The following C2CD2 variants were observed in gnomAD, a reference collection of about 807,000 sequenced individuals.
C2CD2 encodes C2 calcium dependent domain containing 2, also known as C2 domain-containing protein 2.
In C2CD2, 43 loss-of-function variants were observed where a neutral mutation model predicts 74.3. The observed-to-expected ratio is 0.58, with a 90% CI of 0.45 to 0.75. C2CD2 has a LOEUF of 0.75. Ranked by LOEUF, C2CD2 falls within the 30% of genes least tolerant of loss-of-function variation. The pLI, the probability that C2CD2 is intolerant of heterozygous loss-of-function variation, is 0.00. For synonymous variants in C2CD2, 422 were observed against 390.7 expected (o/e 1.08, Z -0.94); for missense variants, 801 against 916.3 (o/e 0.87, Z 1.63).
intron 13 of C2CD2, among the ~76,000 whole-genome samples, chr21:41,891,811 C>G (rs1421763279): frequency 6.6e-6 from 1 of 152,016 alleles, no homozygotes; most frequent in African/African-American, 2.4e-5. Context: ...CAACCCACCC[C>G]CTGGGGTCAA....
chr21:41,908,243 T>TTGTGTGTG lies in C2CD2; in HGVS notation c.1019-467_1019-460dup, dbSNP rs10528071. ...AAGATGCATACAATTTACCCTCAAG[T>TTGTGTGTG]TGTGTGTGTGTGTGTGTGTAAAAGA... On this transcript the variant is annotated intron_variant, in intron 8 of 13. Coordinates refer to ENST00000380486, the MANE Select transcript of C2CD2 (RefSeq NM_015500.2). The TTGTGTGTG allele has an allele frequency of 1.4e-4, 24 of 168,836 alleles. 1 individual carries two copies. The highest frequency in any genetic ancestry group is 3.0e-4 in the South Asian group (2 of 6,624). The allele number at this position is 168,836 out of a possible 1,614,324, so 10.5% of individuals were successfully genotyped here.
intron 13 of C2CD2, among the ~76,000 whole-genome samples, chr21:41,893,864 G>A (rs2064788967): frequency 1.3e-5 from 2 of 151,926 alleles, no homozygotes; most frequent in Admixed American, 1.3e-4. Context: ...ACCATGCCTC[G>A]ATAATTTTGT....
chr21:41,953,317 GACCGCCCGCCCCGGCATCT>G, intron 1 of C2CD2, 34 bp downstream of exon 1: 1 of 1,278,056 alleles, frequency 7.8e-7, no homozygotes, highest in Non-Finnish European at 1.0e-6. Flanking sequence ...CCTCGGCCCG[GACCGCCCGCCCCGGCATCT>G]GCCGCCCCCC....
At position 41,947,112 on chromosome 21, in the gene C2CD2, T is replaced by TTCTCTCTCTCTCTCTCTCTCTCTCTCTC. The variant is rs147753254; in HGVS notation, c.280-4895_280-4868dup. Among the ~76,000 whole-genome samples the TTCTCTCTCTCTCTCTCTCTCTCTCTCTC allele has an allele frequency of 2.1e-3, 56 of 26,190 alleles. 10 individuals are homozygous for TTCTCTCTCTCTCTCTCTCTCTCTCTCTC. Among genetic ancestry groups the TTCTCTCTCTCTCTCTCTCTCTCTCTCTC allele is most frequent in the African/African-American group, 3.8e-3 (22 of 5,798 alleles). 17.2% of individuals were successfully genotyped at this position (26,190 alleles called of 152,430 possible). On this transcript the variant is annotated intron_variant, in intron 1 of 13. Coordinates refer to ENST00000380486, the MANE Select transcript of C2CD2 (RefSeq NM_015500.2). ...TTTCTTTCTTTCTTTCCTTTCTCTT[T>TTCTCTCTCTCTCTCTCTCTCTCTCTCTC]TCTCTCTCTCTCTCTCTCTCTCTCT...
chr21:41,911,746 A>C (rs1267682612), intron 7 of C2CD2, among the ~76,000 whole-genome samples: 1 of 151,368 alleles, frequency 6.6e-6, no homozygotes, highest in East Asian at 1.9e-4. Flanking sequence ...GCTGGAATAC[A>C]GTGGCACAAT....
Position 41,926,927 on chromosome 21 carries a change from A to G in C2CD2, c.379-4842T>C, listed in dbSNP as rs1262422293. Among the ~76,000 whole-genome samples the G allele has an allele frequency of 4.6e-5, 7 of 152,208 alleles. No homozygotes were observed. Among genetic ancestry groups the G allele is most frequent in the African/African-American group, 1.2e-4 (5 of 41,452 alleles). ...AGAACTCCCAAATAAAAGGAAGGCA[A>G]AGACCCTTCAGTAATCATCTGGATT... On this transcript the variant is annotated intron_variant, in intron 2 of 13. Transcript: ENST00000380486. The surrounding 1 kb of genome is among the most constrained non-coding windows in gnomAD (Gnocchi z 8.0).
chr21:41,886,518 T>C lies in C2CD2; in HGVS notation c.*2606A>G, dbSNP rs1013189516. Reference sequence around the variant, plus strand: ...CCTTTGCTTCATAAACTCCCTCCCATGTTGGTGTTTTCTGTAACTTCAGAA... The same window carrying C: ...CCTTTGCTTCATAAACTCCCTCCCACGTTGGTGTTTTCTGTAACTTCAGAA... On this transcript the variant is annotated 3_prime_UTR_variant, in exon 14 of 14. Coordinates refer to ENST00000380486, the MANE Select transcript of C2CD2 (RefSeq NM_015500.2). 3.3e-5 allele frequency: 5 copies of C among 152,316 alleles called. No individual in the cohort carries two copies. Among genetic ancestry groups the C allele is most frequent in the Non-Finnish European group, 7.3e-5 (5 of 68,030 alleles). The allele number at this position is 152,316 out of a possible 1,614,324, so 9.4% of individuals were successfully genotyped here.
chr21:41,906,113 C>T (rs1413856459), intron 10 of C2CD2, among the ~76,000 whole-genome samples: 2 of 152,194 alleles, frequency 1.3e-5, no homozygotes, highest in South Asian at 2.1e-4. Context: ...GAGGATAATG[C>T]TTTTGCCCAA....
At chr21:41,916,685 ACAC>A (rs1371550356) in intron 5 of C2CD2, among the ~76,000 whole-genome samples, 1 of 149,994 alleles carries the variant, frequency 6.7e-6, no homozygotes, top group Non-Finnish European at 1.5e-5. Flanking sequence ...ACACACACAC[ACAC>A]ACACACACAC....
chr21:41,885,488 C>T lies in C2CD2; in HGVS notation c.*3636G>A, dbSNP rs558699974. The T allele has an allele frequency of 1.3e-5, 2 of 152,680 alleles. No homozygotes were observed. The highest frequency in any genetic ancestry group is 4.8e-5 in the African/African-American group (2 of 41,462). The allele number at this position is 152,680 out of a possible 1,614,324, so 9.5% of individuals were successfully genotyped here. A position where few individuals can be genotyped will look rare whatever the true frequency, so the allele number is the denominator to read the frequency against. On this transcript the variant is annotated 3_prime_UTR_variant, in exon 14 of 14. Coordinates refer to ENST00000380486, the MANE Select transcript of C2CD2 (RefSeq NM_015500.2). ...CAAACGGTCATGGACCCAAGTTAAC[C>T]TGAGTTTGCTCTGCAGGATTCCGCG...
At position 41,895,927 on chromosome 21, in the gene C2CD2, G is replaced by A. The variant is rs1208267994; in HGVS notation, c.1870+3126C>T. 6.6e-6 allele frequency among the ~76,000 whole-genome samples: 1 copy of A among 152,190 alleles called. No homozygotes were observed. The highest frequency in any genetic ancestry group is 2.4e-5 in the African/African-American group (1 of 41,444). The stretch of plus-strand genomic sequence containing the variant: ...CGTTGATAGAAGCGACTACTTTTTA[G>A]CTCTGGAGGACGACAAAAGGAACCA... On this transcript the variant is annotated intron_variant, in intron 13 of 13. Transcript: ENST00000380486. This position sits in a 1 kb window ranked among gnomAD's most constrained non-coding sequence, Gnocchi z 5.0.
chr21:41,893,452 C>T (rs2064780909), intron 13 of C2CD2, among the ~76,000 whole-genome samples: 1 of 152,114 alleles, frequency 6.6e-6, no homozygotes, highest in Non-Finnish European at 1.5e-5. Flanking sequence ...GGATTGCAGC[C>T]TGCATGTAAA....
At chr21:41,915,710 G>C (rs1378895571) in intron 5 of C2CD2, among the ~76,000 whole-genome samples, 1 of 152,084 alleles carries the variant, frequency 6.6e-6, no homozygotes, top group African/African-American at 2.4e-5. Context: ...AAAGTGCTGG[G>C]ATTACAGGCA....
At chr21:41,928,544 C>CAAAAAAAA (rs59346777) in intron 2 of C2CD2, among the ~76,000 whole-genome samples, 93 of 72,256 alleles carry the variant, frequency 1.3e-3, no homozygotes, top group African/African-American at 3.8e-3. Flanking sequence ...TAAAGCAAAG[C>CAAAAAAAA]AAAAAAAAAA....
intron 2 of C2CD2, among the ~76,000 whole-genome samples, chr21:41,928,245 C>T (rs936081081): frequency 5.3e-5 from 8 of 152,196 alleles, no homozygotes; most frequent in African/African-American, 9.6e-5. Flanking sequence ...CCGACGAAAC[C>T]TCGGGGCCAC....
intron 5 of C2CD2, among the ~76,000 whole-genome samples, chr21:41,917,294 G>C (rs1251786195): frequency 2.0e-5 from 3 of 152,124 alleles, no homozygotes; most frequent in Non-Finnish European, 2.9e-5. Flanking sequence ...CATCACACAG[G>C]AATTTGTATT....
In C2CD2 at chr21:41,922,092, G is replaced by A; in HGVS notation, c.379-7C>T. ...CCACGTGACAGACCACCACCTGGAG[G>A]AGGCACAGGTAAGGGAGAAAACTGT... is the stretch of plus-strand genomic sequence containing the variant. On this transcript the variant is annotated splice_polypyrimidine_tract_variant and splice_region_variant and intron_variant, in intron 2 of 13. Coordinates refer to ENST00000380486, the MANE Select transcript of C2CD2 (RefSeq NM_015500.2). 1.3e-6 allele frequency: 2 copies of A among 1,565,800 alleles called. No individual in the cohort carries two copies. The highest frequency in any genetic ancestry group is 1.8e-6 in the Non-Finnish European group (2 of 1,135,998).
At position 41,895,249 on chromosome 21, in the gene C2CD2, A is replaced by G. The variant is rs2064808828; in HGVS notation, c.1870+3804T>C. ...CTGCCCTGCGGATTTCAGACCTGTCAATCTCATGAGTCAGTTCCTTAAATA... is the reference window on the plus strand; with the variant it reads ...CTGCCCTGCGGATTTCAGACCTGTCGATCTCATGAGTCAGTTCCTTAAATA... On this transcript the variant is annotated intron_variant, in intron 13 of 13. Transcript: ENST00000380486. The surrounding 1 kb of genome is among the most constrained non-coding windows in gnomAD (Gnocchi z 5.0). Among the ~76,000 whole-genome samples the G allele has an allele frequency of 6.6e-6, 1 of 152,186 alleles. No individual in the cohort carries two copies. Among genetic ancestry groups the G allele is most frequent in the South Asian group, 2.1e-4 (1 of 4,834 alleles).
At chr21:41,946,032 T>A (rs565990161) in intron 1 of C2CD2, among the ~76,000 whole-genome samples, 1 of 152,196 alleles carries the variant, frequency 6.6e-6, no homozygotes, top group East Asian at 1.9e-4. Flanking sequence ...AACAATCAGA[T>A]AAATATCTCA....
Sources: allele counts gnomAD v4.1 joint callset (sites outside exome capture counted in the v4.1 genomes callset), GRCh38; gene constraint gnomAD v4.1.1; non-coding constraint Gnocchi (gnomAD v3.1); transcripts MANE v1.5; gene names NCBI Gene and HGNC (gene_info 2026-07-23, HGNC 2026-07-21).